The following MMP3 variants were observed in gnomAD, a reference collection of about 807,000 sequenced individuals.
MMP3 encodes the protein matrix metallopeptidase 3, also known as stromelysin-1.
Under a neutral mutation model 47.3 loss-of-function variants are expected in MMP3, and 46 were observed. That is an observed-to-expected ratio of 0.97 (90% CI 0.77 to 1.24). MMP3 has a LOEUF of 1.24. MMP3 is among the 50% of genes most tolerant of loss of function. The pLI, the probability that MMP3 is intolerant of heterozygous loss-of-function variation, is 0.00. For missense variants in MMP3, 558 were observed against 565.5 expected, an observed-to-expected ratio of 0.99 and a Z score of 0.13; for synonymous variants, 216 against 206.5, an observed-to-expected ratio of 1.05 and a Z score of -0.39.
chr11:102,839,253 A>G lies in MMP3; in HGVS notation c.936-10T>C, dbSNP rs192738634. ...TTTGCGCCAAAAGTGCCTAAAATAT[A>G]TGTAAAAAGAAATGTAAATTGAAAA... On this transcript the variant is annotated splice_polypyrimidine_tract_variant and intron_variant, in intron 6 of 9. Transcript: ENST00000299855. 4,182 of 1,613,232 alleles carry G rather than the reference A, an allele frequency of 2.6e-3. 9 individuals carry two copies. Among genetic ancestry groups the G allele is most frequent in the Non-Finnish European group, 2.9e-3 (3,461 of 1,179,746 alleles).
In MMP3 at chr11:102,842,920, A is replaced by T. The variant is rs1555005843; in HGVS notation, c.106-4T>A. 6.3e-7 allele frequency: 1 copy of T among 1,595,964 alleles called. No homozygotes were observed. Among genetic ancestry groups the T allele is most frequent in the South Asian group, 1.1e-5 (1 of 89,126 alleles). ...CGTAGTAGTTTTCTAGATATTTCTA[A>T]CAGAATAAGTATAGTTTTTAGGTCA... On this transcript the variant is annotated splice_region_variant and splice_polypyrimidine_tract_variant and intron_variant, in intron 1 of 9. Coordinates refer to ENST00000299855, the MANE Select transcript of MMP3 (RefSeq NM_002422.5).
chr11:102,836,810 T>G lies in MMP3; in HGVS notation c.1333+488A>C, dbSNP rs1480226732. 5.2e-5 allele frequency: 12 copies of G among 229,364 alleles called. No individual in the cohort carries two copies. Among genetic ancestry groups the G allele is most frequent in the South Asian group, 5.8e-5 (1 of 17,148 alleles). The allele number at this position is 229,364 out of a possible 1,614,324, so 14.2% of individuals were successfully genotyped here. A position where few individuals can be genotyped will look rare whatever the true frequency, so the allele number is the denominator to read the frequency against. The stretch of plus-strand genomic sequence containing the variant: ...CAAAATCTTTTTTTTTTTTTAAACT[T>G]TGGGCACATGGAAAGGTAAGTATTT... On this transcript the variant is annotated intron_variant, in intron 9 of 9. Coordinates refer to ENST00000299855, the MANE Select transcript of MMP3 (RefSeq NM_002422.5). The surrounding 1 kb of genome is among the most constrained non-coding windows in gnomAD (Gnocchi z 4.6).
chr11:102,837,489 T>C lies in MMP3; in HGVS notation c.1230-88A>G. On this transcript the variant is annotated intron_variant, in intron 8 of 9. Transcript: ENST00000299855. The surrounding 1 kb of genome is among the most constrained non-coding windows in gnomAD (Gnocchi z 4.4). ...TCATGTTAGGTTTAATGTGGAATTT[T>C]ACTAAACTTTATAAATACTGCAAAT... 1.1e-6 allele frequency: 1 copy of C among 933,238 alleles called. No individual in the cohort carries two copies. Among genetic ancestry groups the C allele is most frequent in the South Asian group, 1.5e-5 (1 of 67,328 alleles). 57.8% of individuals were successfully genotyped at this position (933,238 alleles called of 1,614,324 possible).
intron 4 of MMP3, 59 bp downstream of exon 4, chr11:102,842,095 C>A (rs1859007181): frequency 2.1e-6 from 3 of 1,445,710 alleles, no homozygotes; most frequent in African/African-American, 1.4e-5. Flanking sequence ...TGGTTATTAA[C>A]AGATTTCTAC....
Position 102,842,436 on chromosome 11 carries a change from A to G in MMP3, c.494T>C (p.Val165Ala), listed in dbSNP as rs146212400. Residue 165 changes from valine (V) to alanine (A), a missense_variant, in exon 3 of 10, where the codon GTT becomes GCT. Transcript: ENST00000299855. ...TTTTTTTTTTTTTTTTTTACCTCTA[A>G]CTGCAAAAGAGATCATTATATCAGC... ...GEADIMISFA[V>A]REHGDFYPFD... 3.8e-4 allele frequency: 518 copies of G among 1,381,016 alleles called. 2 individuals are homozygous for G. Among genetic ancestry groups the G allele is most frequent in the Middle Eastern group, 2.9e-3 (11 of 3,808 alleles). 85.5% of individuals were successfully genotyped at this position (1,381,016 alleles called of 1,614,324 possible).
intron 7 of MMP3, 32 bp downstream of exon 7, chr11:102,839,078 G>A (rs1565224750): frequency 1.3e-6 from 2 of 1,595,676 alleles, no homozygotes; most frequent in South Asian, 2.3e-5. Flanking sequence ...GTTTACTTTG[G>A]CAAGTTAAAC....
chr11:102,840,220 C>CCAGGGGGGTCT lies in MMP3; in HGVS notation c.812_822dup (p.Val275ArgfsTer32). On this transcript the variant is annotated frameshift_variant, in exon 6 of 10. Transcript: ENST00000299855. LOFTEE classifies it high-confidence loss of function. ...TCTGGAGGGACAGGTTCCGTGGGTA[C>CCAGGGGGGTCT]CAGGGGGGTCTCAGGGGAGTCAGGG... 6.2e-7 allele frequency: 1 copy of CCAGGGGGGTCT among 1,613,860 alleles called. No individual in the cohort carries two copies. The highest frequency in any genetic ancestry group is 8.5e-7 in the Non-Finnish European group (1 of 1,179,958).
intron 1 of MMP3, among the ~76,000 whole-genome samples, chr11:102,843,121 T>C (rs112886099): frequency 4.0e-5 from 6 of 151,566 alleles, no homozygotes; most frequent in African/African-American, 1.5e-4. Flanking sequence ...AAACTGAAGC[T>C]GTTCCAAAGC....
intron 6 of MMP3, among the ~76,000 whole-genome samples, chr11:102,839,565 A>C (rs1565224992): frequency 6.6e-6 from 1 of 152,186 alleles, no homozygotes; most frequent in Non-Finnish European, 1.5e-5. Context: ...CCTCTTCCAA[A>C]AGCTAGGCCG....
chr11:102,839,337 T>C, intron 6 of MMP3, 94 bp from the exon 7 acceptor site: 3 of 1,375,004 alleles, frequency 2.2e-6, no homozygotes, highest in Non-Finnish European at 3.1e-6. Context: ...GCTTCCCCCA[T>C]TCTCTCATCT....
intron 2 of MMP3, 26 bp downstream of exon 2, chr11:102,842,646 A>G (rs567886438): frequency 1.8e-5 from 29 of 1,612,932 alleles, no homozygotes; most frequent in Non-Finnish European, 2.5e-5. Flanking sequence ...TTCCAATCTT[A>G]TGTGAAAACC....
rs1274239489 is a variant in MMP3, at chr11:102,837,317, A to G, written c.1314T>C (p.Asp438=). Reference sequence around the variant, plus strand: ...TCTTACCAAATTCTTCAAAAACAGCATCAATCTTTGAGTCAATCCCTGGAA... The same window carrying G: ...TCTTACCAAATTCTTCAAAAACAGCGTCAATCTTTGAGTCAATCCCTGGAA... The part of the protein sequence containing the change: ...EDFPGIDSKI[D]AVFEEFGFFY... Residue 438 remains aspartate (D), a synonymous_variant, in exon 9 of 10, where the codon GAT becomes GAC. Transcript: ENST00000299855. The surrounding 1 kb of genome is among the most constrained non-coding windows in gnomAD (Gnocchi z 4.4). 1.2e-6 allele frequency: 2 copies of G among 1,613,704 alleles called. No homozygotes were observed. Among genetic ancestry groups the G allele is most frequent in the Non-Finnish European group, 1.7e-6 (2 of 1,179,850 alleles).
intron 1 of MMP3, among the ~76,000 whole-genome samples, chr11:102,843,123 T>C (rs1859040869): frequency 6.6e-6 from 1 of 151,932 alleles, no homozygotes; most frequent in Non-Finnish European, 1.5e-5. Flanking sequence ...ACTGAAGCTG[T>C]TCCAAAGCAA....
Position 102,840,161 on chromosome 11 carries a change from C to T in MMP3, c.882G>A (p.Leu294=), listed in dbSNP as rs782356418. 2.5e-6 allele frequency: 4 copies of T among 1,613,892 alleles called. No homozygotes were observed. In the Admixed American group the frequency reaches 6.7e-5, roughly 27 times the overall value. ...TCAGAGTGCTGACAGCATCAAAGGACAAAGCAGGATCACAGTTGGCTGGCG... is the reference window on the plus strand; with the variant it reads ...TCAGAGTGCTGACAGCATCAAAGGATAAAGCAGGATCACAGTTGGCTGGCG... ...PGTPANCDPA[L]SFDAVSTLRG... is the part of the protein sequence containing the mutation. The change falls in exon 6 of 10, where the codon TTG becomes TTA. Residue 294 remains leucine, a synonymous_variant. Transcript: ENST00000299855.
intron 1 of MMP3, among the ~76,000 whole-genome samples, chr11:102,843,135 A>G (rs1859041057): frequency 6.6e-6 from 1 of 151,918 alleles, no homozygotes; most frequent in African/African-American, 2.4e-5. Flanking sequence ...CCAAAGCAAG[A>G]TATGGTTCAT....
At chr11:102,842,393 G>GCTTTTTTTTTTTTTTTTTTTTTT in intron 3 of MMP3, 38 bp downstream of exon 3, 4 of 922,660 alleles carry the variant, frequency 4.3e-6, no homozygotes, top group East Asian at 6.1e-5. Context: ...TTTTTGTTTT[G>GCTTTTTTTTTTTTTTTTTTTTTT]TTTTGTTTTG....
intron 6 of MMP3, among the ~76,000 whole-genome samples, chr11:102,839,752 T>C (rs3025066): frequency 0.048 from 7,255 of 152,332 alleles, 230 homozygotes; most frequent in Middle Eastern, 0.075. Context: ...TATTGATCCA[T>C]CAGTAAGTAA....
At chr11:102,841,773 G>A (rs1859002372) in intron 4 of MMP3, among the ~76,000 whole-genome samples, 1 of 151,380 alleles carries the variant, frequency 6.6e-6, no homozygotes, top group African/African-American at 2.4e-5. Flanking sequence ...GGTTTGAAGA[G>A]TAAAGAAGTA....
At chr11:102,839,064 G>A (rs959222064) in intron 7 of MMP3, 46 bp downstream of exon 7, 1 of 1,587,338 alleles carries the variant, frequency 6.3e-7, no homozygotes, top group Non-Finnish European at 8.6e-7. Flanking sequence ...TTTCTTATGA[G>A]AGGGTTTACT....
Sources: allele counts gnomAD v4.1 joint callset (sites outside exome capture counted in the v4.1 genomes callset), GRCh38; gene constraint gnomAD v4.1.1; non-coding constraint Gnocchi (gnomAD v3.1); transcripts MANE v1.5; gene names NCBI Gene and HGNC (gene_info 2026-07-23, HGNC 2026-07-21).